The following PLA2R1 variants were observed in gnomAD, a reference collection of about 807,000 sequenced individuals.
PLA2R1 encodes the protein phospholipase A2 receptor 1.
Under a neutral mutation model 195.9 loss-of-function variants are expected in PLA2R1, and 158 were observed. The observed-to-expected ratio is 0.81, with a 90% CI of 0.71 to 0.92. PLA2R1 has a LOEUF of 0.92. Among genes scored for constraint, PLA2R1 ranks in the 40% least tolerant of loss-of-function variants. The pLI is 0.00. For synonymous variants in PLA2R1, 586 were observed against 598.2 expected (o/e 0.98, Z 0.30); for missense variants, 1,626 against 1,764.6 (o/e 0.92, Z 1.41).
intron 10 of PLA2R1, among the ~76,000 whole-genome samples, chr2:160,007,398 T>C (rs1482683342): frequency 6.6e-6 from 1 of 152,130 alleles, no homozygotes; most frequent in African/African-American, 2.4e-5. Flanking sequence ...TGCCCAAATG[T>C]TGCATTTCCC....
chr2:159,946,465 A>T lies in PLA2R1; in HGVS notation c.3967+336T>A. On this transcript the variant is annotated intron_variant, in intron 27 of 29. Coordinates refer to ENST00000283243, the MANE Select transcript of PLA2R1 (RefSeq NM_007366.5). The stretch of plus-strand genomic sequence containing the variant: ...CATAACTCTATTGTGCTTTTATAAC[A>T]TTTAGAAACCTGGGATATTTTCCAG... 8.9e-6 allele frequency: 9 copies of T among 1,012,316 alleles called. No individual in the cohort carries two copies. The South Asian group carries it at 3.5e-4, about 39-fold the overall frequency. The allele number at this position is 1,012,316 out of a possible 1,614,324, so 62.7% of individuals were successfully genotyped here.
intron 23 of PLA2R1, among the ~76,000 whole-genome samples, chr2:159,954,564 A>G (rs1050284450): frequency 6.6e-6 from 1 of 151,964 alleles, no homozygotes; most frequent in Admixed American, 6.6e-5. Flanking sequence ...AGTTCCATAC[A>G]GCTCTAGACA....
In PLA2R1 at chr2:159,941,483, C is replaced by T. The variant is rs1687083966; in HGVS notation, c.*295G>A. ...ACATTAATGCAAAAACTATTATTCG[C>T]ATTGATTTCAGAGTTTTCAATAGGG... On this transcript the variant is annotated 3_prime_UTR_variant, in exon 30 of 30. Coordinates refer to ENST00000283243, the MANE Select transcript of PLA2R1 (RefSeq NM_007366.5). 1.4e-5 allele frequency: 3 copies of T among 213,396 alleles called. 1 individual carries two copies. The South Asian group carries it at 3.6e-4, about 25-fold the overall frequency. 13.2% of individuals were successfully genotyped at this position (213,396 alleles called of 1,614,324 possible).
At chr2:160,027,047 T>C (rs998951486) in intron 6 of PLA2R1, among the ~76,000 whole-genome samples, 2 of 152,202 alleles carry the variant, frequency 1.3e-5, no homozygotes, top group African/African-American at 4.8e-5. Context: ...GCAGAATTGC[T>C]TGAACCCAGG....
chr2:160,000,687 A>T (rs1691529897), intron 11 of PLA2R1, among the ~76,000 whole-genome samples: 1 of 152,190 alleles, frequency 6.6e-6, no homozygotes, highest in African/African-American at 2.4e-5. Context: ...AAATATGAGT[A>T]GGAAACAAGT....
Position 160,044,976 on chromosome 2 carries a change from T to C in PLA2R1, c.291A>G (p.Pro97=). 2 of 1,614,064 alleles carry C rather than the reference T, an allele frequency of 1.2e-6. No homozygotes were observed. The highest frequency in any genetic ancestry group is 1.7e-6 in the Non-Finnish European group (2 of 1,179,922). The stretch of plus-strand genomic sequence containing the variant: ...ATTCATATAAGCTTAATGGCTGCTC[T>C]GGGGCGGAGAAATTCAGGCCCAGGC... ...SGCLGLNFSA[P]EQPLSLYECD... Residue 97 remains proline, a synonymous_variant, in exon 2 of 30, where the codon CCA becomes CCG. Transcript: ENST00000283243.
At chr2:159,958,016 C>T (rs1017896680) in intron 20 of PLA2R1, among the ~76,000 whole-genome samples, 1 of 152,178 alleles carries the variant, frequency 6.6e-6, no homozygotes, top group East Asian at 1.9e-4. Flanking sequence ...GAAACCTACA[C>T]TTGAAAAAGC....
intron 10 of PLA2R1, among the ~76,000 whole-genome samples, chr2:160,012,948 C>T (rs2667017): frequency 0.76 from 114,971 of 151,910 alleles, 43,825 homozygotes; most frequent in East Asian, 0.88. Context: ...AAATAAATAA[C>T]GGGTTTCATT....
At chr2:160,017,537 C>G (rs904125341) in intron 8 of PLA2R1, among the ~76,000 whole-genome samples, 12 of 152,202 alleles carry the variant, frequency 7.9e-5, no homozygotes, top group African/African-American at 2.9e-4. Flanking sequence ...AGCTGAAACT[C>G]ATGTTCACCC....
chr2:160,030,706 A>G (rs998343112), intron 4 of PLA2R1, among the ~76,000 whole-genome samples: 2 of 152,230 alleles, frequency 1.3e-5, no homozygotes, highest in Admixed American at 6.5e-5. Flanking sequence ...GACAGCTTAG[A>G]TAATTCCTTG....
chr2:159,949,298 G>T (rs1687578541), intron 25 of PLA2R1, among the ~76,000 whole-genome samples: 1 of 151,398 alleles, frequency 6.6e-6, no homozygotes, highest in East Asian at 1.9e-4. Context: ...GCCTTTCCAT[G>T]TCCCATTATT....
At chr2:159,984,720 T>C in intron 12 of PLA2R1, among the ~76,000 whole-genome samples, 1 of 152,202 alleles carries the variant, frequency 6.6e-6, no homozygotes, top group East Asian at 1.9e-4. Flanking sequence ...AGAAGCCAGA[T>C]GAATGGAAGG....
intron 2 of PLA2R1, among the ~76,000 whole-genome samples, chr2:160,042,860 A>G (rs1025977454): frequency 1.0e-4 from 5 of 49,700 alleles, no homozygotes; most frequent in Non-Finnish European, 2.1e-4. Context: ...AGACAGAGGG[A>G]GAGAGAGAGA....
At chr2:159,979,543 T>A (rs1560171318) in intron 14 of PLA2R1, among the ~76,000 whole-genome samples, 1 of 152,152 alleles carries the variant, frequency 6.6e-6, no homozygotes, top group Non-Finnish European at 1.5e-5. Context: ...TTTTAAAGAA[T>A]AGCTGCTTCT....
chr2:159,944,782 TA>T, intron 28 of PLA2R1, 123 bp downstream of exon 28: 1 of 697,610 alleles, frequency 1.4e-6, no homozygotes, highest in Non-Finnish European at 2.5e-6. Flanking sequence ...AACACAACAA[TA>T]ATGTCAGAAT....
downstream of PLA2R1, chr2:159,931,992 G>A (rs1686610541): frequency 6.6e-6 from 1 of 152,198 alleles, no homozygotes; most frequent in African/African-American, 2.4e-5. Context: ...TTCAAATGCA[G>A]TAACAAATAT....
rs772440438 is a variant in PLA2R1 at position 160,042,197 on chromosome 2, A to G, written c.495T>C (p.Asp165=). 6.2e-6 allele frequency: 10 copies of G among 1,611,588 alleles called. No homozygotes were observed. The Admixed American group carries it at 8.3e-5, about 13-fold the overall frequency. Residue 165 remains aspartate (D), a splice_region_variant and synonymous_variant, in exon 3 of 30, where the codon GAT becomes GAC. Coordinates refer to ENST00000283243, the MANE Select transcript of PLA2R1 (RefSeq NM_007366.5). ...GGDICEYLHK[D]LHTIKGNTHG... is the part of the protein sequence containing the mutation. ...GGGTGTTCCCTTTGATTGTATGCAAATCTAGGAGAAAGAAATGTACAAAGT... is the reference window on the plus strand; with the variant it reads ...GGGTGTTCCCTTTGATTGTATGCAAGTCTAGGAGAAAGAAATGTACAAAGT...
rs1402993450 is a variant in PLA2R1 at position 159,951,497 on chromosome 2, A to G, written c.3383T>C (p.Ile1128Thr). ...ATACCAAGTCATATTTGCATTAATT[A>G]TTTTGTAAGTTCTGTTTCCATATTC... ...TLEYGNRTYKIINANMTWYAA... is the reference protein window; with the variant it reads ...TLEYGNRTYKTINANMTWYAA... Residue 1128 changes from isoleucine (I) to threonine (T), a missense_variant, in exon 24 of 30, where the codon ATA (isoleucine) becomes ACA (threonine). Ile to Thr is a moderately conservative substitution (Grantham distance 89). Coordinates refer to ENST00000283243, the MANE Select transcript of PLA2R1 (RefSeq NM_007366.5). The G allele has an allele frequency of 1.9e-6, 3 of 1,610,274 alleles. No individual in the cohort carries two copies. The African/African-American group carries it at 4.0e-5, about 21-fold the overall frequency.
intron 11 of PLA2R1, among the ~76,000 whole-genome samples, chr2:159,997,539 T>G (rs1430936786): frequency 6.6e-6 from 1 of 152,142 alleles, no homozygotes; most frequent in East Asian, 1.9e-4. Flanking sequence ...TTCTCTGATA[T>G]TTCACTGTGA....
Sources: allele counts gnomAD v4.1 joint callset (sites outside exome capture counted in the v4.1 genomes callset), GRCh38; gene constraint gnomAD v4.1.1; transcripts MANE v1.5; gene names NCBI Gene and HGNC (gene_info 2026-07-23, HGNC 2026-07-21).